DCDC1: variants seen among roughly 807,000 people sequenced by gnomAD.
DCDC1 encodes the protein doublecortin domain-containing protein 1.
Under a neutral mutation model 178.3 loss-of-function variants are expected in DCDC1, and 200 were observed. That is an observed-to-expected ratio of 1.12 (90% CI 1.00 to 1.26). The LOEUF (loss-of-function observed/expected upper bound fraction) is 1.26. DCDC1 is among the 50% of genes most tolerant of loss of function. DCDC1 has a pLI of 0.00. For synonymous variants in DCDC1, 690 were observed against 604.8 expected (o/e 1.14, Z -2.07); for missense variants, 1,983 against 1,749.2 (o/e 1.13, Z -2.38).
At chr11:31,111,079 C>T (rs915323090) in intron 11 of DCDC1, among the ~76,000 whole-genome samples, 6 of 152,200 alleles carry the variant, frequency 3.9e-5, no homozygotes, top group African/African-American at 7.2e-5. Context: ...TCCAACCACG[C>T]GGAGGATCCA....
intron 20 of DCDC1, among the ~76,000 whole-genome samples, chr11:30,968,658 A>G (rs1240886708): frequency 3.7e-5 from 5 of 135,292 alleles, no homozygotes; most frequent in African/African-American, 1.4e-4. Context: ...GTGGTTATAT[A>G]TACATCAAAT....
intron 20 of DCDC1, among the ~76,000 whole-genome samples, chr11:30,971,272 C>T (rs890839239): frequency 2.6e-5 from 4 of 152,120 alleles, no homozygotes; most frequent in African/African-American, 9.7e-5. Flanking sequence ...GAAAAGATCA[C>T]ATCTCCAAAA....
intron 20 of DCDC1, among the ~76,000 whole-genome samples, chr11:31,012,304 A>G (rs937908068): frequency 6.6e-6 from 1 of 152,210 alleles, no homozygotes; most frequent in Non-Finnish European, 1.5e-5. Flanking sequence ...CAGTTGTGAA[A>G]AACTGAAAAT....
At chr11:30,971,845 G>C (rs1949820306) in intron 20 of DCDC1, among the ~76,000 whole-genome samples, 1 of 152,014 alleles carries the variant, frequency 6.6e-6, no homozygotes, top group South Asian at 2.1e-4. Flanking sequence ...TCCTGACCTT[G>C]TGATCGGCCT....
chr11:31,141,735 T>C (rs1177582676), intron 9 of DCDC1, among the ~76,000 whole-genome samples: 1 of 152,222 alleles, frequency 6.6e-6, no homozygotes, highest in Non-Finnish European at 1.5e-5. Flanking sequence ...TATTTATATA[T>C]ACAAAACATG....
chr11:31,213,475 A>T (rs948497227), intron 9 of DCDC1, among the ~76,000 whole-genome samples: 3 of 151,994 alleles, frequency 2.0e-5, no homozygotes. Flanking sequence ...TAATCCCAGC[A>T]CTTTGGGAGG....
At chr11:31,302,183 A>G (rs1948159882) in intron 6 of DCDC1, among the ~76,000 whole-genome samples, 1 of 152,174 alleles carries the variant, frequency 6.6e-6, no homozygotes, top group African/African-American at 2.4e-5. Flanking sequence ...TTTTCTCCTC[A>G]TCTTATTTAA....
In DCDC1 at chr11:31,305,649, T is replaced by C. The variant is rs1269081412; in HGVS notation, c.720A>G (p.Gly240=). Residue 240 remains glycine (G), a synonymous_variant, in exon 6 of 39, where the codon GGA becomes GGG. Coordinates refer to ENST00000684477, the MANE Select transcript of DCDC1 (RefSeq NM_001387274.1). ...TTTTGAATGGATTTAAAAAGGGCTC[T>C]CCCGTTGAAACATAAACATCGGCTT... ...PHEADVYVST[G]EPFLNPFKKI... is the part of the protein sequence containing the mutation. 1.2e-6 allele frequency: 2 copies of C among 1,613,840 alleles called. No individual in the cohort carries two copies. The highest frequency in any genetic ancestry group is 1.1e-5 in the South Asian group (1 of 91,064).
At chr11:30,921,068 ACT>A in intron 24 of DCDC1, 133 bp from the exon 25 acceptor site, 1 of 836,652 alleles carries the variant, frequency 1.2e-6, no homozygotes, top group South Asian at 2.8e-5. Context: ...TACTTATTAA[ACT>A]CAGTTGAATT....
intron 20 of DCDC1, among the ~76,000 whole-genome samples, chr11:31,054,115 T>C (rs988729223): frequency 2.0e-5 from 3 of 152,036 alleles, no homozygotes; most frequent in African/African-American, 7.2e-5. Context: ...AATAAAAGAA[T>C]TCGGCAAAGT....
intron 20 of DCDC1, among the ~76,000 whole-genome samples, chr11:31,038,050 AACATCACGC>A (rs2135326998): frequency 9.0e-6 from 1 of 111,442 alleles, no homozygotes; most frequent in South Asian, 3.5e-4. Context: ...CAGGAAGGGG[AACATCACGC>A]ACTGGGGCCT....
chr11:31,216,798 C>T (rs1973631321), intron 9 of DCDC1, among the ~76,000 whole-genome samples: 1 of 152,104 alleles, frequency 6.6e-6, no homozygotes, highest in African/African-American at 2.4e-5. Context: ...CCCTCATTTT[C>T]CCACCTCTGA....
chr11:31,125,906 T>C (rs1481435093), intron 11 of DCDC1, among the ~76,000 whole-genome samples: 1 of 151,930 alleles, frequency 6.6e-6, no homozygotes, highest in African/African-American at 2.4e-5. Flanking sequence ...ATCCTTCACA[T>C]GTGCCCTAGA....
At chr11:30,931,653 T>C (rs1565090791) in intron 22 of DCDC1, 118 bp downstream of exon 22, 2 of 1,019,196 alleles carry the variant, frequency 2.0e-6, no homozygotes, top group Admixed American at 3.2e-5. Context: ...AATATGAATA[T>C]GGGAGCCCTT....
chr11:31,290,541 T>C lies in DCDC1; in HGVS notation c.960+106A>G, dbSNP rs749338405. The C allele has an allele frequency of 1.1e-4, 129 of 1,209,914 alleles. 1 individual carries two copies. The highest frequency in any genetic ancestry group is 1.4e-4 in the Non-Finnish European group (124 of 881,384). The allele number at this position is 1,209,914 out of a possible 1,614,324, so 74.9% of individuals were successfully genotyped here. A position where few individuals can be genotyped will look rare whatever the true frequency, so the allele number is the denominator to read the frequency against. ...TTAGTTCTATATAATGTCTTGTTAATATTTCTATTTGTTGGCATCGATATT... is the reference window on the plus strand; with the variant it reads ...TTAGTTCTATATAATGTCTTGTTAACATTTCTATTTGTTGGCATCGATATT... On this transcript the variant is annotated intron_variant, in intron 7 of 38. Coordinates refer to ENST00000684477, the MANE Select transcript of DCDC1 (RefSeq NM_001387274.1).
intron 3 of DCDC1, among the ~76,000 whole-genome samples, chr11:31,319,127 A>G (rs1591748452): frequency 5.7e-5 from 1 of 17,558 alleles, no homozygotes; most frequent in South Asian, 1.8e-3. Context: ...AAAAAAATGT[A>G]TATTCTGTTG....
intron 11 of DCDC1, among the ~76,000 whole-genome samples, chr11:31,119,630 A>G (rs1244910759): frequency 6.6e-6 from 1 of 152,218 alleles, no homozygotes; most frequent in Non-Finnish European, 1.5e-5. Flanking sequence ...ATTCCTAAAT[A>G]TTAAAATAAG....
chr11:30,922,747 T>C, intron 23 of DCDC1, 109 bp from the exon 24 acceptor site: 2 of 1,099,152 alleles, frequency 1.8e-6, no homozygotes, highest in Non-Finnish European at 2.4e-6. Flanking sequence ...ATTAATATAA[T>C]AGGTGAATGA....
intron 17 of DCDC1, among the ~76,000 whole-genome samples, chr11:31,088,133 ACTTT>A (rs1206490861): frequency 4.6e-5 from 7 of 151,882 alleles, no homozygotes; most frequent in African/African-American, 1.7e-4. Context: ...ATCCATTCTT[ACTTT>A]CTTTGTATTA....
Sources: allele counts gnomAD v4.1 joint callset (sites outside exome capture counted in the v4.1 genomes callset), GRCh38; gene constraint gnomAD v4.1.1; transcripts MANE v1.5; gene names NCBI Gene and HGNC (gene_info 2026-07-23, HGNC 2026-07-21).